Variants in MORN5 observed in about 807,000 individuals in gnomAD.
MORN5 encodes the protein MORN repeat containing 5.
MORN5 carries 21 observed loss-of-function variants against 22.1 expected under a neutral mutation model. The observed-to-expected ratio is 0.95, with a 90% confidence interval of 0.67 to 1.37. The LOEUF is 1.37. MORN5 is among the 40% of genes most tolerant of loss of function. The probability of loss-of-function intolerance (pLI) is 0.00; values close to 1 mark genes in which losing one functional copy is unlikely to be tolerated. For synonymous variants in MORN5, 73 were observed against 74.0 expected (o/e 0.99, Z 0.07); for missense variants, 211 against 215.1 (o/e 0.98, Z 0.12).
intron 4 of MORN5, among the ~76,000 whole-genome samples, chr9:122,196,288 G>A (rs1345613660): frequency 4.7e-5 from 7 of 150,090 alleles, no homozygotes; most frequent in Admixed American, 1.3e-4. Context: ...AACAAAATGC[G>A]TGAAATTACC....
intron 4 of MORN5, chr9:122,174,842 A>G: frequency 7.3e-7 from 1 of 1,378,812 alleles, no homozygotes. Flanking sequence ...TTCGTGGTCT[A>G]GCAGTGACGG....
At chr9:122,173,531 G>A (rs1564417403) in intron 3 of MORN5, among the ~76,000 whole-genome samples, 1 of 152,208 alleles carries the variant, frequency 6.6e-6, no homozygotes, top group Non-Finnish European at 1.5e-5. Flanking sequence ...TGAGTTGTGG[G>A]CATGGTGCTG....
rs145965768 is a variant in MORN5, at chr9:122,166,280, T to TTATATATATATATA, written c.48-487_48-474dup. Among the ~76,000 whole-genome samples the TTATATATATATATA allele has an allele frequency of 1.8e-3, 268 of 149,732 alleles. 2 individuals carry two copies. The highest frequency in any genetic ancestry group is 6.5e-3 in the African/African-American group (260 of 39,774). The stretch of plus-strand genomic sequence containing the variant: ...AGCCAAACAATATTAGTATCCAAGA[T>TTATATATATATATA]TATATATATATATAATGGTGGTAAG... On this transcript the variant is annotated intron_variant, in intron 1 of 4. Transcript: ENST00000373764.
Position 122,159,918 on chromosome 9 carries a change from T to TGCCGTATCCACTGAGAC in MORN5, c.-54_-38dup. 6.4e-7 allele frequency: 1 copy of TGCCGTATCCACTGAGAC among 1,569,996 alleles called. No homozygotes were observed. The highest frequency in any genetic ancestry group is 8.8e-7 in the Non-Finnish European group (1 of 1,139,852). On this transcript the variant is annotated 5_prime_UTR_variant, in exon 1 of 5. It introduces an in-frame stop codon into an upstream open reading frame of the 5' UTR. Coordinates refer to ENST00000373764, the MANE Select transcript of MORN5 (RefSeq NM_198469.4). ...CCACCCCTCCAGGTTGTCATAGTGA[T>TGCCGTATCCACTGAGAC]GCCGTATCCACTGAGACTCCGGATC...
Position 122,189,708 on chromosome 9 carries a change from G to A in MORN5, c.440-10177G>A, listed in dbSNP as rs997607835. ...TGCAAGCTCCACCTCCTGGGTTCAC[G>A]CCATTCTCCTGCCTCAGCCTCCTGA... On this transcript the variant is annotated intron_variant, in intron 4 of 4. Coordinates refer to ENST00000373764, the MANE Select transcript of MORN5 (RefSeq NM_198469.4). 5.9e-5 allele frequency among the ~76,000 whole-genome samples: 9 copies of A among 152,034 alleles called. 1 individual carries two copies. The South Asian group carries it at 6.2e-4, about 11-fold the overall frequency.
chr9:122,173,953 A>G (rs990508248), intron 3 of MORN5, among the ~76,000 whole-genome samples: 3 of 152,180 alleles, frequency 2.0e-5, no homozygotes, highest in African/African-American at 4.8e-5. Context: ...TAAACATTCA[A>G]TGAGTGGCAG....
chr9:122,186,946 A>G (rs1288717524), intron 4 of MORN5, among the ~76,000 whole-genome samples: 1 of 152,234 alleles, frequency 6.6e-6, no homozygotes, highest in Non-Finnish European at 1.5e-5. Context: ...AGAGCCAGCC[A>G]GATCTGCAAG....
intron 3 of MORN5, 132 bp from the exon 4 acceptor site, chr9:122,174,364 A>C: frequency 1.0e-6 from 1 of 995,824 alleles, no homozygotes; most frequent in Non-Finnish European, 1.5e-6. Context: ...TCTTGCCCTG[A>C]GTAGGGGGTA....
chr9:122,164,765 GAATT>G, intron 1 of MORN5: 2 of 181,886 alleles, frequency 1.1e-5, no homozygotes, highest in Non-Finnish European at 2.1e-5. Context: ...AGGAGAAGAG[GAATT>G]CTCCCTTCCC....
chr9:122,196,141 CAG>C (rs1829884647), intron 4 of MORN5, among the ~76,000 whole-genome samples: 1 of 151,238 alleles, frequency 6.6e-6, no homozygotes, highest in African/African-American at 2.4e-5. Context: ...CTATTTTTTG[CAG>C]AGAGGAGGTT....
chr9:122,175,956 T>C (rs535587115), intron 4 of MORN5, among the ~76,000 whole-genome samples: 1 of 151,438 alleles, frequency 6.6e-6, no homozygotes, highest in African/African-American at 2.4e-5. Flanking sequence ...CTACTAAAAA[T>C]GCAAAAAATT....
At chr9:122,186,751 G>C (rs541643258) in intron 4 of MORN5, among the ~76,000 whole-genome samples, 1 of 152,310 alleles carries the variant, frequency 6.6e-6, no homozygotes, top group Admixed American at 6.5e-5. Flanking sequence ...CCCTTCAGTA[G>C]CTGGAGTCAA....
intron 4 of MORN5, among the ~76,000 whole-genome samples, chr9:122,178,616 C>T (rs953641259): frequency 1.3e-5 from 2 of 152,220 alleles, no homozygotes; most frequent in African/African-American, 4.8e-5. Flanking sequence ...CTTTCTGTAA[C>T]TGGTCACAAG....
At chr9:122,177,653 G>A (rs1488462293) in intron 4 of MORN5, among the ~76,000 whole-genome samples, 1 of 152,076 alleles carries the variant, frequency 6.6e-6, no homozygotes, top group East Asian at 1.9e-4. Flanking sequence ...GGCTGGTCTT[G>A]AACTACTGAC....
rs113084619 is a variant in MORN5 at position 122,169,705 on chromosome 9, G to A, written c.256G>A (p.Gly86Ser). The A allele has an allele frequency of 5.0e-3, 8,061 of 1,614,090 alleles. 29 individuals are homozygous for A. Among genetic ancestry groups the A allele is most frequent in the Non-Finnish European group, 6.0e-3 (7,054 of 1,179,972 alleles). ...TGAGAAAAACTGGCATTACTGCGACGGCTATGATCGGAGGTTTTACACAGA... is the reference window on the plus strand; with the variant it reads ...TGAGAAAAACTGGCATTACTGCGACAGCTATGATCGGAGGTTTTACACAGA... ...YDEKNWHYCD[G>S]YDRRFYTEIL... Residue 86 changes from glycine (G) to serine (S), a missense_variant, in exon 3 of 5, where the codon GGC becomes AGC. Coordinates refer to ENST00000373764, the MANE Select transcript of MORN5 (RefSeq NM_198469.4).
chr9:122,166,597 C>G (rs1829286463), intron 1 of MORN5, among the ~76,000 whole-genome samples, 171 bp from the exon 2 acceptor site: 1 of 152,034 alleles, frequency 6.6e-6, no homozygotes, highest in Non-Finnish European at 1.5e-5. Flanking sequence ...CCCCTCTTTT[C>G]GTTTTTGAGC....
intron 1 of MORN5, among the ~76,000 whole-genome samples, chr9:122,165,489 C>T (rs115477412): frequency 0.052 from 7,898 of 151,424 alleles, 691 homozygotes; most frequent in African/African-American, 0.18. Flanking sequence ...GTGGGAGGAT[C>T]ACTTGAGTTC....
chr9:122,165,648 A>G (rs1829265405), intron 1 of MORN5, among the ~76,000 whole-genome samples: 1 of 152,152 alleles, frequency 6.6e-6, no homozygotes, highest in African/African-American at 2.4e-5. Context: ...GTTCTCCTGT[A>G]TGAGCCTGTC....
At chr9:122,186,836 G>A (rs992346556) in intron 4 of MORN5, among the ~76,000 whole-genome samples, 14 of 152,160 alleles carry the variant, frequency 9.2e-5, no homozygotes, top group African/African-American at 3.4e-4. Flanking sequence ...CTATGAGGCC[G>A]GAGCCTACTC....
Sources: allele counts gnomAD v4.1 joint callset (sites outside exome capture counted in the v4.1 genomes callset), GRCh38; gene constraint gnomAD v4.1.1; transcripts MANE v1.5; gene names NCBI Gene and HGNC (gene_info 2026-07-23, HGNC 2026-07-21).